Variants in DNAH11 observed in about 807,000 individuals in gnomAD.
The protein encoded by DNAH11 is axonemal beta dynein heavy chain 11.
DNAH11 carries 442 observed loss-of-function variants against 526.0 expected under a neutral mutation model. That is an observed-to-expected ratio of 0.84 (90% CI 0.78 to 0.91). The LOEUF is 0.91. Ranked by LOEUF, DNAH11 falls within the 40% of genes least tolerant of loss-of-function variation. DNAH11 has a pLI of 0.00. For synonymous variants in DNAH11, 2,461 were observed against 1,935.9 expected, an observed-to-expected ratio of 1.27 and a Z score of -7.12; for missense variants, 6,989 against 5,448.7, an observed-to-expected ratio of 1.28 and a Z score of -8.90.
intron 54 of DNAH11, among the ~76,000 whole-genome samples, chr7:21,763,124 A>G (rs1196076181): frequency 6.6e-6 from 1 of 152,076 alleles, no homozygotes; most frequent in Non-Finnish European, 1.5e-5. Flanking sequence ...CAGGTGGATC[A>G]CGAGGTCAGG....
intron 74 of DNAH11, among the ~76,000 whole-genome samples, chr7:21,879,636 A>G (rs1287426073): frequency 1.3e-5 from 2 of 152,158 alleles, no homozygotes; most frequent in Admixed American, 6.5e-5. Context: ...AATCAAAACT[A>G]TAGGGATTCA....
chr7:21,735,679 T>C lies in DNAH11; in HGVS notation c.7480T>C (p.Tyr2494His). 1 of 1,610,790 alleles carries C rather than the reference T, an allele frequency of 6.2e-7. No individual in the cohort carries two copies. Among genetic ancestry groups the C allele is most frequent in the Non-Finnish European group, 8.5e-7 (1 of 1,178,158 alleles). Residue 2494 changes from tyrosine (Y) to histidine (H), a missense_variant, in exon 46 of 82, where the codon TAT becomes CAT. Transcript: ENST00000409508. ...VHTTETARLR[Y>H]FMELLLEKGK... ...CACAACAGAGACAGCTCGTCTTAGA[T>C]ATTTCATGGAGTTGTTGCTTGAGAA...
intron 1 of DNAH11, among the ~76,000 whole-genome samples, chr7:21,544,167 T>C (rs1248553671): frequency 1.3e-5 from 2 of 152,212 alleles, no homozygotes; most frequent in Non-Finnish European, 2.9e-5. Flanking sequence ...TCTTTTTGAA[T>C]TTCGATGATT....
intron 30 of DNAH11, among the ~76,000 whole-genome samples, chr7:21,675,306 T>G (rs1785322237): frequency 6.6e-6 from 1 of 152,188 alleles, no homozygotes; most frequent in East Asian, 1.9e-4. Context: ...TTTCAGTTTT[T>G]CCACAGAGCC....
intron 65 of DNAH11, among the ~76,000 whole-genome samples, chr7:21,830,001 T>G (rs1268655111): frequency 6.6e-6 from 1 of 152,214 alleles, no homozygotes; most frequent in Admixed American, 6.5e-5. Flanking sequence ...TTTGAAGAAG[T>G]TAGACGTCTT....
At chr7:21,545,665 C>T (rs749790932) in intron 2 of DNAH11, among the ~76,000 whole-genome samples, 1 of 152,160 alleles carries the variant, frequency 6.6e-6, no homozygotes, top group African/African-American at 2.4e-5. Flanking sequence ...TTCTTTTTCT[C>T]CTCTTAAAAT....
Position 21,635,907 on chromosome 7 carries a change from G to A in DNAH11, c.4537G>A (p.Glu1513Lys), listed in dbSNP as rs758252527. The A allele has an allele frequency of 1.9e-6, 3 of 1,612,916 alleles. No individual in the cohort carries two copies. In the South Asian group the frequency reaches 3.3e-5, roughly 18 times the overall value. ...LQTLLQSKYV[E>K]YFIEQVLSWQ... The stretch of plus-strand genomic sequence containing the variant: ...GACTCTTCTTCAAAGCAAGTATGTA[G>A]AATATTTCATTGAGCAAGTGTTAAG... Residue 1513 changes from glutamate (E) to lysine (K), a missense_variant, in exon 26 of 82, where the codon GAA (glutamate) becomes AAA (lysine). Glu to Lys is a moderately conservative substitution (Grantham distance 56). Transcript: ENST00000409508.
At chr7:21,742,820 C>T (rs962749172) in intron 49 of DNAH11, among the ~76,000 whole-genome samples, 22 of 152,120 alleles carry the variant, frequency 1.4e-4, no homozygotes, top group African/African-American at 4.6e-4. Flanking sequence ...TCTTTGTCTG[C>T]GCTTCCGTGA....
At chr7:21,748,497 A>G (rs1228242572) in intron 51 of DNAH11, 83 bp from the exon 52 acceptor site, 1 of 1,275,596 alleles carries the variant, frequency 7.8e-7, no homozygotes, top group African/African-American at 1.5e-5. Flanking sequence ...TCAAAAGCAA[A>G]TAAATAAATA....
chr7:21,684,741 T>C (rs933199641), intron 32 of DNAH11, among the ~76,000 whole-genome samples: 1 of 152,220 alleles, frequency 6.6e-6, no homozygotes, highest in Non-Finnish European at 1.5e-5. Flanking sequence ...TTACTATTAT[T>C]AATAGTTCGT....
chr7:21,768,746 A>T (rs999108370), intron 55 of DNAH11, among the ~76,000 whole-genome samples: 1 of 152,186 alleles, frequency 6.6e-6, no homozygotes, highest in Admixed American at 6.5e-5. Flanking sequence ...AGTCCACTCT[A>T]AGAGGAAAGT....
Position 21,839,046 on chromosome 7 carries a change from A to G in DNAH11, c.10692-3498A>G, listed in dbSNP as rs1782104373. On this transcript the variant is annotated intron_variant, in intron 65 of 81. Transcript: ENST00000409508. ...ATTATAGTCATTCTCATTGGTGTGA[A>G]CTGGTACCTCACTAAGGCTTTGATT... Among the ~76,000 whole-genome samples the G allele has an allele frequency of 2.6e-5, 4 of 152,114 alleles. No homozygotes were observed. In the South Asian group the frequency reaches 8.3e-4, roughly 32 times the overall value.
chr7:21,658,086 T>C (rs79641748), intron 29 of DNAH11, among the ~76,000 whole-genome samples: 1,539 of 152,190 alleles, frequency 0.01, 26 homozygotes, highest in African/African-American at 0.035. Flanking sequence ...TGGATTAATA[T>C]AACAAAATAC....
Position 21,900,000 on chromosome 7 carries a change from C to T in DNAH11, c.13183C>T (p.Arg4395Ter), listed in dbSNP as rs757784023. ...FLTAIMQTMA[R>*]KNEWPLDKTR... is the part of the protein sequence containing the mutation. ...CAAAGCAATCATGCAGACGATGGCT[C>T]GAAAAAATGAGTGGCCCCTGGATAA... is the stretch of plus-strand genomic sequence containing the variant. Residue 4395 changes from arginine (R) to a stop codon, truncating the protein, a stop_gained, in exon 81 of 82, where the codon CGA (arginine) becomes TGA (stop). Transcript: ENST00000409508. LOFTEE classifies it high-confidence loss of function. The T allele has an allele frequency of 1.3e-5, 21 of 1,613,534 alleles. No individual in the cohort carries two copies. The highest frequency in any genetic ancestry group is 1.7e-5 in the Admixed American group (1 of 59,976).
intron 55 of DNAH11, among the ~76,000 whole-genome samples, chr7:21,767,206 T>C (rs1787219699): frequency 6.6e-6 from 1 of 152,206 alleles, no homozygotes; most frequent in African/African-American, 2.4e-5. Context: ...AGTCAGTATG[T>C]ATCTTCTGAT....
intron 65 of DNAH11, among the ~76,000 whole-genome samples, chr7:21,820,592 T>C (rs1364639888): frequency 2.0e-5 from 3 of 151,988 alleles, no homozygotes; most frequent in East Asian, 1.9e-4. Context: ...AGAGTCTGTG[T>C]TGGGGAGGAA....
intron 65 of DNAH11, among the ~76,000 whole-genome samples, chr7:21,831,604 C>A (rs956527274): frequency 1.3e-5 from 2 of 152,174 alleles, no homozygotes; most frequent in Non-Finnish European, 2.9e-5. Context: ...TCCTCCCCCC[C>A]TCTATTAACC....
At chr7:21,725,774 T>C in intron 44 of DNAH11, 37 bp from the exon 45 acceptor site, 2 of 1,572,192 alleles carry the variant, frequency 1.3e-6, no homozygotes, top group Non-Finnish European at 1.7e-6. Flanking sequence ...TTTAATTACT[T>C]TGAGTCTGCA....
intron 30 of DNAH11, among the ~76,000 whole-genome samples, chr7:21,670,066 T>C (rs2128469128): frequency 6.6e-6 from 1 of 152,294 alleles, no homozygotes; most frequent in East Asian, 1.9e-4. Flanking sequence ...TGTACAAACC[T>C]AATTAATTTT....
Sources: gnomAD v4.1 joint callset for allele counts (sites outside exome capture counted in the v4.1 genomes callset) on GRCh38, gnomAD v4.1.1 for gene constraint, MANE v1.5 for transcripts, NCBI Gene and HGNC (gene_info 2026-07-23, HGNC 2026-07-21) for gene names.